ZNF275: variants seen among roughly 807,000 people sequenced by gnomAD.
The protein encoded by ZNF275 is zinc finger protein 275.
Under a neutral mutation model 4.3 loss-of-function variants are expected in ZNF275, and 4 were observed. The ratio of observed to expected loss-of-function variants is 0.93; its 90% CI spans 0.46 to 2.13. The LOEUF is 2.13. Ranked by LOEUF, ZNF275 falls within the 30% of genes most tolerant of loss-of-function variation. ZNF275 has a pLI of 0.02. For synonymous variants in ZNF275, 173 were observed against 166.9 expected, an observed-to-expected ratio of 1.04 and a Z score of -0.28; for missense variants, 352 against 397.1, an observed-to-expected ratio of 0.89 and a Z score of 0.97.
At chrX:153,336,099 T>G (rs2088444243) in intron 1 of ZNF275, among the ~76,000 whole-genome samples, 1 of 112,512 alleles carries the variant, frequency 8.9e-6, no homozygotes, top group Non-Finnish European at 1.9e-5. Context: ...TTTCCTCAAT[T>G]AAGTACAACA....
Position 153,347,726 on chromosome X carries a change from G to T in ZNF275, c.1041G>T (p.Arg347=). Residue 347 remains arginine, a synonymous_variant, in exon 4 of 4, where the codon CGG becomes CGT. Coordinates refer to ENST00000650114, the MANE Select transcript of ZNF275 (RefSeq NM_001367757.1). ...ACGCACGCATCCACAGTGGCGAGCG[G>T]CCCTACGCATGCGGCGAGTGTGGCA... is the stretch of plus-strand genomic sequence containing the variant. ...LEHARIHSGE[R]PYACGECGKA... is the part of the protein sequence containing the mutation. 8.3e-7 allele frequency: 1 copy of T among 1,209,510 alleles called. No individual in the cohort carries two copies. The highest frequency in any genetic ancestry group is 1.1e-6 in the Non-Finnish European group (1 of 894,265).
At chrX:153,340,594 G>C (rs1469449366) in intron 2 of ZNF275, among the ~76,000 whole-genome samples, 1 of 112,496 alleles carries the variant, frequency 8.9e-6, no homozygotes, top group Non-Finnish European at 1.9e-5. Context: ...CTGATACCAA[G>C]AAAATTCAGC....
chrX:153,349,057 A>G lies in ZNF275; in HGVS notation c.*1082A>G. 8.1e-6 allele frequency: 1 copy of G among 123,756 alleles called. No homozygotes were observed. The highest frequency in any genetic ancestry group is 1.9e-5 in the Non-Finnish European group (1 of 53,374). The allele number at this position is 123,756 out of a possible 1,213,427, so 10.2% of individuals were successfully genotyped here. A position where few individuals can be genotyped will look rare whatever the true frequency, so the allele number is the denominator to read the frequency against. On this transcript the variant is annotated 3_prime_UTR_variant, in exon 4 of 4. Transcript: ENST00000650114. The stretch of plus-strand genomic sequence containing the variant: ...ATAAAATAGTTGAGAGCATGCCCCT[A>G]AGAAGAGATACATCTCAAGGACTCA...
At chrX:153,336,786 G>T in intron 2 of ZNF275, 76 bp downstream of exon 2, 2 of 1,046,095 alleles carry the variant, frequency 1.9e-6, no homozygotes, top group Non-Finnish European at 2.6e-6. Flanking sequence ...TATAGGTGGG[G>T]TTACAACATG....
Position 153,350,315 on chromosome X carries a change from T to C in ZNF275, c.*2340T>C, listed in dbSNP as rs1556962187. On this transcript the variant is annotated 3_prime_UTR_variant, in exon 4 of 4. Transcript: ENST00000650114. The stretch of plus-strand genomic sequence containing the variant: ...CTGATAGAAGCTGGCAGCACTGCCC[T>C]GGGCTATGATTTGCAACAGCCATGC... 1 of 123,956 alleles carries C rather than the reference T, an allele frequency of 8.1e-6. No individual in the cohort carries two copies. The highest frequency in any genetic ancestry group is 3.2e-5 in the African/African-American group (1 of 31,010). The allele number at this position is 123,956 out of a possible 1,213,427, so 10.2% of individuals were successfully genotyped here.
chrX:153,336,770 A>AGACCCTATAG, intron 2 of ZNF275, 60 bp downstream of exon 2: 8 of 1,110,843 alleles, frequency 7.2e-6, no homozygotes, highest in Non-Finnish European at 9.7e-6. Flanking sequence ...TGCTATCAGA[A>AGACCCTATAG]GACCCTATAG....
chrX:153,338,541 C>T (rs916660549), intron 2 of ZNF275, among the ~76,000 whole-genome samples: 3 of 110,923 alleles, frequency 2.7e-5, no homozygotes, highest in African/African-American at 9.9e-5. Flanking sequence ...GGGGTTGTGG[C>T]TCCAGGATTT....
intron 2 of ZNF275, among the ~76,000 whole-genome samples, chrX:153,338,153 T>A (rs149669607): frequency 0.019 from 2,089 of 111,357 alleles, 52 homozygotes; most frequent in African/African-American, 0.065. Context: ...AATAGAAGAG[T>A]TGTGCAACAT....
At chrX:153,341,359 A>G (rs1166704154) in intron 2 of ZNF275, among the ~76,000 whole-genome samples, 1 of 112,373 alleles carries the variant, frequency 8.9e-6, no homozygotes, top group Non-Finnish European at 1.9e-5. Context: ...ATTAGCATGT[A>G]TCAGAGTCTT....
chrX:153,340,498 C>T (rs1432190011), intron 2 of ZNF275, among the ~76,000 whole-genome samples: 1 of 113,117 alleles, frequency 8.8e-6, no homozygotes, highest in Non-Finnish European at 1.9e-5. Context: ...GACTCCTTGG[C>T]CTCAGCCCTT....
intron 1 of ZNF275, among the ~76,000 whole-genome samples, chrX:153,336,399 C>T (rs1185293933): frequency 3.5e-5 from 4 of 113,017 alleles, no homozygotes; most frequent in Non-Finnish European, 5.6e-5. Flanking sequence ...CCTTCACTTC[C>T]GCCTCCTGGC....
At chrX:153,338,735 G>A (rs782698393) in intron 2 of ZNF275, among the ~76,000 whole-genome samples, 1 of 98,932 alleles carries the variant, frequency 1.0e-5, no homozygotes, top group South Asian at 5.3e-4. Context: ...AGAGAGAGAC[G>A]AAGAAAGAGA....
Position 153,346,943 on chromosome X carries a change from C to T in ZNF275, c.258C>T (p.Asp86=), listed in dbSNP as rs782302396. 6.6e-6 allele frequency: 8 copies of T among 1,209,635 alleles called. No homozygotes were observed. In the African/African-American group the frequency reaches 8.8e-5, roughly 13 times the overall value. ...SPEFRQHGDS[D]GKRGSPQNLP... ...AATTCAGACAGCACGGGGACTCTGA[C>T]GGGAAGAGAGGGAGCCCACAGAATC... The change falls in exon 4 of 4, where the codon GAC becomes GAT. Residue 86 remains aspartate, a synonymous_variant. Transcript: ENST00000650114.
At chrX:153,337,264 T>C (rs1209484842) in intron 2 of ZNF275, among the ~76,000 whole-genome samples, 2 of 111,815 alleles carry the variant, frequency 1.8e-5, no homozygotes, top group African/African-American at 6.5e-5. Context: ...GAATGTTGCT[T>C]GGCTATTTGT....
Position 153,347,007 on chromosome X carries a change from G to A in ZNF275, c.322G>A (p.Asp108Asn). The A allele has an allele frequency of 8.3e-7, 1 of 1,211,371 alleles. No homozygotes were observed. The highest frequency in any genetic ancestry group is 1.1e-6 in the Non-Finnish European group (1 of 895,385). ...TCATTTTGCTTGTAAAGAGTGTGGG[G>A]ACACCTTTCGGCTTAAAGTCCTGCT... ...EHHFACKECGDTFRLKVLLVQ... is the reference protein window; with the variant it reads ...EHHFACKECGNTFRLKVLLVQ... The change falls in exon 4 of 4, where the codon GAC becomes AAC. Residue 108 changes from aspartate to asparagine, a missense_variant. By Grantham distance (23) the Asp-to-Asn change is conservative (BLOSUM62 1). Coordinates refer to ENST00000650114, the MANE Select transcript of ZNF275 (RefSeq NM_001367757.1).
At position 153,346,915 on chromosome X, in the gene ZNF275, C is replaced by G. The variant is rs939250042; in HGVS notation, c.230C>G (p.Pro77Arg). Residue 77 changes from proline to arginine, a missense_variant, in exon 4 of 4, where the codon CCT becomes CGT. By Grantham distance (103) the Pro-to-Arg change is moderately radical (BLOSUM62 -2). Transcript: ENST00000650114. ...TTCCCAAGGGCCAGTGGTCCCAGTC[C>G]TGAATTCAGACAGCACGGGGACTCT... ...TSFPRASGPS[P>R]EFRQHGDSDG... 3.3e-6 allele frequency: 4 copies of G among 1,211,636 alleles called. No individual in the cohort carries two copies. The highest frequency in any genetic ancestry group is 4.5e-6 in the Non-Finnish European group (4 of 895,375).
At chrX:153,346,665 GCC>G (rs782063402) in intron 3 of ZNF275, among the ~76,000 whole-genome samples, 152 bp from the exon 4 acceptor site, 124 of 112,880 alleles carry the variant, frequency 1.1e-3, no homozygotes, top group African/African-American at 3.9e-3. Context: ...AGGTCCCTCT[GCC>G]CCTGGCTTCT....
chrX:153,348,115 A>G lies in ZNF275; in HGVS notation c.*140A>G, dbSNP rs782025912. 2.3e-5 allele frequency: 13 copies of G among 574,147 alleles called. No individual in the cohort carries two copies. In the East Asian group the frequency reaches 6.7e-4, roughly 29 times the overall value. The allele number at this position is 574,147 out of a possible 1,213,427, so 47.3% of individuals were successfully genotyped here. On this transcript the variant is annotated 3_prime_UTR_variant, in exon 4 of 4. Transcript: ENST00000650114. Reference sequence around the variant, plus strand: ...CGATTTATACTGCCACCAGCAATTTATAAGTGTTACGTTATGCCCATCAAG... The same window carrying G: ...CGATTTATACTGCCACCAGCAATTTGTAAGTGTTACGTTATGCCCATCAAG...
intron 1 of ZNF275, among the ~76,000 whole-genome samples, chrX:153,336,134 C>G (rs2088444441): frequency 8.9e-6 from 1 of 112,773 alleles, no homozygotes; most frequent in African/African-American, 3.2e-5. Flanking sequence ...CCCTTCTGGT[C>G]TACCTTCTGG....
Sources: gnomAD v4.1 joint callset for allele counts (sites outside exome capture counted in the v4.1 genomes callset) on GRCh38, gnomAD v4.1.1 for gene constraint, MANE v1.5 for transcripts, NCBI Gene and HGNC (gene_info 2026-07-23, HGNC 2026-07-21) for gene names.